Variants in NEBL observed in about 807,000 individuals in gnomAD.
The protein encoded by NEBL is nebulette.
Under a neutral mutation model 140.2 loss-of-function variants are expected in NEBL, and 122 were observed. That is an observed-to-expected ratio of 0.87 (90% CI 0.75 to 1.01). The LOEUF (loss-of-function observed/expected upper bound fraction) is 1.01, where lower values mean the gene tolerates loss of function less well. Ranked by LOEUF, NEBL falls within the 50% of genes least tolerant of loss-of-function variation. NEBL has a pLI of 0.00. For missense variants in NEBL, 1,365 were observed against 1,231.3 expected, an observed-to-expected ratio of 1.11 and a Z score of -1.62; for synonymous variants, 436 against 398.9, an observed-to-expected ratio of 1.09 and a Z score of -1.11.
chr10:20,785,857 C>G lies in NEBL; in HGVS notation c.2935G>C (p.Asp979His). ...DEDEVSFRDG[D>H]YIVNVQPIDD... ...ATAGGCTGCACGTTGACGATGTAGT[C>G]GCCGTCTCTAAAGGAGACCTCGTCT... is the stretch of plus-strand genomic sequence containing the variant. The change falls in exon 28 of 28, where the codon GAC (aspartate) becomes CAC (histidine). Residue 979 changes from aspartate to histidine, a missense_variant. Physicochemically the swap from Asp to His is moderately conservative, Grantham distance 81. This residue lies in a region of NEBL where 42 missense variants were observed against 76.5 expected (regional missense o/e 0.55). Coordinates refer to ENST00000377122, the MANE Select transcript of NEBL (RefSeq NM_006393.3). The G allele has an allele frequency of 6.2e-7, 1 of 1,613,990 alleles. No homozygotes were observed. The highest frequency in any genetic ancestry group is 8.5e-7 in the Non-Finnish European group (1 of 1,179,964).
intron 3 of NEBL, among the ~76,000 whole-genome samples, chr10:21,239,466 A>G (rs940780032): frequency 2.6e-5 from 4 of 151,184 alleles, no homozygotes; most frequent in Non-Finnish European, 5.9e-5. Flanking sequence ...CCATTTTCTC[A>G]CTCCTGCCTT....
chr10:21,252,625 C>T (rs998092730), intron 1 of NEBL, among the ~76,000 whole-genome samples: 4 of 152,072 alleles, frequency 2.6e-5, no homozygotes, highest in Non-Finnish European at 4.4e-5. Flanking sequence ...GGGGCCACAT[C>T]GAAGCATATA....
chr10:20,784,615 T>C lies in NEBL; in HGVS notation c.*1132A>G, dbSNP rs906433360. On this transcript the variant is annotated 3_prime_UTR_variant, in exon 28 of 28. Transcript: ENST00000377122. ...GATACCAGATCATCTCTGTATGGAA[T>C]TGGTAACTTTGTTTGCTGAGTATTT... 3.9e-5 allele frequency: 6 copies of C among 152,208 alleles called. No homozygotes were observed. Among genetic ancestry groups the C allele is most frequent in the African/African-American group, 1.4e-4 (6 of 41,454 alleles). The allele number at this position is 152,208 out of a possible 1,614,324, so 9.4% of individuals were successfully genotyped here.
intron 3 of NEBL, among the ~76,000 whole-genome samples, chr10:21,221,653 T>G (rs1312675818): frequency 1.3e-5 from 2 of 151,998 alleles, no homozygotes; most frequent in South Asian, 2.1e-4. Context: ...TACAAGCACA[T>G]GCCACCACAC....
intron 26 of NEBL, among the ~76,000 whole-genome samples, chr10:20,801,840 G>A (rs926058698): frequency 7.9e-5 from 12 of 152,090 alleles, no homozygotes; most frequent in Admixed American, 2.6e-4. Context: ...GGGATGAAAC[G>A]CCGGAAGCAT....
At chr10:20,957,549 C>T (rs1250750945) in intron 4 of NEBL, among the ~76,000 whole-genome samples, 3 of 151,970 alleles carry the variant, frequency 2.0e-5, no homozygotes, top group Non-Finnish European at 4.4e-5. Flanking sequence ...GCAGGTGAAA[C>T]ACTAATGTCT....
chr10:21,104,597 C>G (rs1436742408), intron 2 of NEBL, among the ~76,000 whole-genome samples: 1 of 152,150 alleles, frequency 6.6e-6, no homozygotes, highest in Non-Finnish European at 1.5e-5. Flanking sequence ...TCTCACTAAA[C>G]TCACGTATTA....
intron 2 of NEBL, among the ~76,000 whole-genome samples, chr10:21,085,239 G>A (rs181222509): frequency 6.6e-6 from 1 of 152,274 alleles, no homozygotes; most frequent in East Asian, 1.9e-4. Flanking sequence ...ATGCCCTTCT[G>A]AGATTTTACT....
At chr10:20,897,759 C>T (rs1239636011), upstream of NEBL, among the ~76,000 whole-genome samples, 8 of 152,116 alleles carry the variant, frequency 5.3e-5, no homozygotes, top group East Asian at 1.9e-4. Flanking sequence ...TCAGACATAC[C>T]AGTACTTCTC....
chr10:21,259,166 C>A (rs1013104282), intron 1 of NEBL, among the ~76,000 whole-genome samples: 1 of 151,754 alleles, frequency 6.6e-6, no homozygotes, highest in African/African-American at 2.4e-5. Flanking sequence ...CAGCTTACTG[C>A]AAACTCCGCC....
chr10:20,899,843 G>C (rs1847773495), upstream of NEBL, among the ~76,000 whole-genome samples: 1 of 152,194 alleles, frequency 6.6e-6, no homozygotes, highest in Non-Finnish European at 1.5e-5. Context: ...CTTGCTGGAT[G>C]AAGTCTTTAA....
chr10:20,960,221 T>C (rs1384867743), intron 4 of NEBL, among the ~76,000 whole-genome samples: 1 of 152,124 alleles, frequency 6.6e-6, no homozygotes, highest in Non-Finnish European at 1.5e-5. Context: ...AATTATTTTT[T>C]AGATAAACAT....
At chr10:20,993,005 G>A (rs746183681) in intron 3 of NEBL, among the ~76,000 whole-genome samples, 1 of 151,554 alleles carries the variant, frequency 6.6e-6, no homozygotes, top group Non-Finnish European at 1.5e-5. Context: ...GGATGGTCTT[G>A]ATCTCCTGAC....
chr10:20,955,087 T>C (rs931656216), intron 4 of NEBL, among the ~76,000 whole-genome samples: 1 of 152,190 alleles, frequency 6.6e-6, no homozygotes, highest in African/African-American at 2.4e-5. Flanking sequence ...GTAAGGAGAA[T>C]AGCCCAAGTC....
intron 2 of NEBL, among the ~76,000 whole-genome samples, chr10:20,896,571 C>G (rs1333549522): frequency 1.4e-5 from 2 of 143,450 alleles, no homozygotes; most frequent in East Asian, 2.0e-4. Flanking sequence ...CAGAAGGCCC[C>G]AAAATGTTAA....
chr10:20,881,808 C>T (rs780208516), intron 4 of NEBL, among the ~76,000 whole-genome samples: 2 of 151,976 alleles, frequency 1.3e-5, no homozygotes, highest in African/African-American at 2.4e-5. Flanking sequence ...AAAACAATAA[C>T]AAATGAAGGA....
intron 2 of NEBL, among the ~76,000 whole-genome samples, chr10:21,056,697 A>G (rs1187150913): frequency 6.6e-6 from 1 of 152,250 alleles, no homozygotes; most frequent in Non-Finnish European, 1.5e-5. Flanking sequence ...AGTGAAATTG[A>G]CAGCAGTGAT....
chr10:21,094,576 G>A (rs542159492), intron 2 of NEBL, among the ~76,000 whole-genome samples: 39 of 151,088 alleles, frequency 2.6e-4, no homozygotes, highest in Non-Finnish European at 4.4e-4. Context: ...CCAGCTACTC[G>A]GAGGCTGAAG....
chr10:20,788,171 T>C (rs1835594998), intron 26 of NEBL, among the ~76,000 whole-genome samples: 1 of 152,194 alleles, frequency 6.6e-6, no homozygotes, highest in Non-Finnish European at 1.5e-5. Flanking sequence ...TGTGTTTCTC[T>C]GTGAATGTGT....
Sources: allele counts gnomAD v4.1 joint callset (sites outside exome capture counted in the v4.1 genomes callset), GRCh38; gene constraint gnomAD v4.1.1; regional missense constraint gnomAD v4.1.1; transcripts MANE v1.5; gene names NCBI Gene and HGNC (gene_info 2026-07-23, HGNC 2026-07-21).